The following ADAM12 variants were observed in gnomAD, a reference collection of about 807,000 sequenced individuals.
The protein encoded by ADAM12 is ADAM metallopeptidase domain 12, also known as disintegrin and metalloproteinase domain-containing protein 12.
A neutral mutation model predicts 106.4 loss-of-function variants in ADAM12; 70 were observed. The observed-to-expected ratio is 0.66, with a 90% CI of 0.54 to 0.80. The LOEUF is 0.80. Among genes scored for constraint, ADAM12 ranks in the 30% least tolerant of loss-of-function variants. The pLI, the probability that ADAM12 is intolerant of heterozygous loss-of-function variation, is 0.00. For missense variants in ADAM12, 1,010 were observed against 1,171.9 expected (o/e 0.86, Z 2.02); for synonymous variants, 420 against 433.5 (o/e 0.97, Z 0.39).
Position 126,156,664 on chromosome 10 carries a change from T to C in ADAM12, c.261-1359A>G, listed in dbSNP as rs117389481. On this transcript the variant is annotated intron_variant, in intron 3 of 22. Coordinates refer to ENST00000448723, the MANE Select transcript of ADAM12 (RefSeq NM_001288973.2). ...ATCCTCCAGCAGTAACACTTCTGGG[T>C]GCGTGGATGTGCTTTGGGTGGAGCA... Among the ~76,000 whole-genome samples, 1,406 of 152,332 alleles carry C rather than the reference T, an allele frequency of 9.2e-3. 11 individuals carry two copies. Among genetic ancestry groups the C allele is most frequent in the Non-Finnish European group, 0.016 (1,085 of 68,036 alleles).
intron 16 of ADAM12, among the ~76,000 whole-genome samples, chr10:126,046,959 T>C (rs1374833076): frequency 6.6e-6 from 1 of 152,098 alleles, no homozygotes; most frequent in African/African-American, 2.4e-5. Flanking sequence ...TTCCAGATAC[T>C]GACTGACAAG....
At chr10:126,072,194 G>A (rs774316027) in intron 11 of ADAM12, among the ~76,000 whole-genome samples, 3 of 152,166 alleles carry the variant, frequency 2.0e-5, no homozygotes, top group Non-Finnish European at 4.4e-5. Context: ...CAGCACAGTT[G>A]TAAGAGAATG....
At chr10:126,361,464 C>T (rs1458029268) in intron 1 of ADAM12, among the ~76,000 whole-genome samples, 1 of 151,954 alleles carries the variant, frequency 6.6e-6, no homozygotes. Flanking sequence ...TCACAAAAAA[C>T]CCTGACTAGC....
chr10:126,173,388 C>A (rs570625750), intron 3 of ADAM12, among the ~76,000 whole-genome samples: 2 of 152,156 alleles, frequency 1.3e-5, no homozygotes, highest in Non-Finnish European at 2.9e-5. Flanking sequence ...CTGGGCTTCT[C>A]AACCTCAGCT....
chr10:126,021,713 G>A (rs1404336222), intron 21 of ADAM12, among the ~76,000 whole-genome samples: 2 of 152,194 alleles, frequency 1.3e-5, no homozygotes, highest in East Asian at 3.8e-4. Flanking sequence ...TGGTGGAGCA[G>A]GGATGATCAT....
intron 3 of ADAM12, among the ~76,000 whole-genome samples, chr10:126,276,389 C>T (rs1326674497): frequency 6.6e-6 from 1 of 152,180 alleles, no homozygotes; most frequent in African/African-American, 2.4e-5. Context: ...CTATTATATA[C>T]TAAATGATTG....
At chr10:126,351,550 G>C (rs546483360) in intron 1 of ADAM12, among the ~76,000 whole-genome samples, 1 of 152,316 alleles carries the variant, frequency 6.6e-6, no homozygotes, top group South Asian at 2.1e-4. Flanking sequence ...CCTTGCGACA[G>C]AGACTGCCGC....
rs571792958 is a variant in ADAM12 at position 126,017,079 on chromosome 10, A to T, written c.*200T>A. The stretch of plus-strand genomic sequence containing the variant: ...GCACTGTAATCAACATTCTGCATAA[A>T]TTAATAATTTACAAGTACCTGAGCA... On this transcript the variant is annotated 3_prime_UTR_variant, in exon 23 of 23. Coordinates refer to ENST00000448723, the MANE Select transcript of ADAM12 (RefSeq NM_001288973.2). 1 of 542,364 alleles carries T rather than the reference A, an allele frequency of 1.8e-6. No individual in the cohort carries two copies. The highest frequency in any genetic ancestry group is 3.0e-5 in the South Asian group (1 of 33,018). The allele number at this position is 542,364 out of a possible 1,614,324, so 33.6% of individuals were successfully genotyped here.
rs142248459 is a variant in ADAM12 at position 126,039,347 on chromosome 10, C to A, written c.2187G>T (p.Lys729Asn). 40 of 1,614,098 alleles carry A rather than the reference C, an allele frequency of 2.5e-5. 1 individual carries two copies. In the East Asian group the frequency reaches 7.8e-4, roughly 31 times the overall value. The change falls in exon 19 of 23, where the codon AAG becomes AAT. Residue 729 changes from lysine to asparagine, a missense_variant. Lys to Asn is a moderately conservative substitution (Grantham distance 94). This residue lies in a region of ADAM12 where 615 missense variants were observed against 708.5 expected (regional missense o/e 0.87). Coordinates refer to ENST00000448723, the MANE Select transcript of ADAM12 (RefSeq NM_001288973.2). The part of the protein sequence containing the change: ...AAGFVVYLKR[K>N]TLIRLLFTNK... The stretch of plus-strand genomic sequence containing the variant: ...TTGTAAACAGCAGTCGTATCAAGGT[C>A]TTCCTTTTGAGATAAACCACAAATC...
At chr10:126,220,916 C>T (rs1025018682) in intron 3 of ADAM12, among the ~76,000 whole-genome samples, 2 of 152,382 alleles carry the variant, frequency 1.3e-5, no homozygotes, top group Admixed American at 1.3e-4. Flanking sequence ...CCCGCATCTC[C>T]AGCAGGCCAC....
intron 3 of ADAM12, among the ~76,000 whole-genome samples, chr10:126,158,509 C>A (rs1427983643): frequency 1.8e-5 from 2 of 109,976 alleles, no homozygotes; most frequent in African/African-American, 6.9e-5. Flanking sequence ...AGAGAGGATG[C>A]ACAGAGCACG....
At position 126,367,350 on chromosome 10, in the gene ADAM12, T is replaced by A. The variant is rs79701251; in HGVS notation, c.88+20708A>T. Reference sequence around the variant, plus strand: ...AGAAAAAAATTATGAAAGAATTTTTTAAAATATTTTAAACTGACGATAATG... The same window carrying A: ...AGAAAAAAATTATGAAAGAATTTTTAAAAATATTTTAAACTGACGATAATG... On this transcript the variant is annotated intron_variant, in intron 1 of 22. Coordinates refer to ENST00000448723, the MANE Select transcript of ADAM12 (RefSeq NM_001288973.2). Among the ~76,000 whole-genome samples the A allele has an allele frequency of 3.1e-3, 469 of 152,080 alleles. 3 individuals carry two copies. Among genetic ancestry groups the A allele is most frequent in the African/African-American group, 8.5e-3 (354 of 41,552 alleles).
chr10:126,302,005 C>A (rs952455579), intron 2 of ADAM12, among the ~76,000 whole-genome samples: 7 of 152,116 alleles, frequency 4.6e-5, no homozygotes, highest in African/African-American at 1.7e-4. Flanking sequence ...ACTTTCAAGT[C>A]CAAATCGTAT....
intron 12 of ADAM12, among the ~76,000 whole-genome samples, chr10:126,069,246 CTAA>C (rs1026905411): frequency 1.3e-5 from 2 of 152,064 alleles, no homozygotes; most frequent in African/African-American, 4.8e-5. Flanking sequence ...CTATTATTTT[CTAA>C]TAATAACTAC....
intron 1 of ADAM12, among the ~76,000 whole-genome samples, chr10:126,344,922 G>A (rs1361874497): frequency 1.3e-5 from 2 of 152,116 alleles, no homozygotes; most frequent in Admixed American, 6.5e-5. Context: ...GGAGATTTGG[G>A]GCTGAGACGA....
At chr10:126,368,721 C>T (rs762489924) in intron 1 of ADAM12, among the ~76,000 whole-genome samples, 5 of 151,244 alleles carry the variant, frequency 3.3e-5, no homozygotes, top group Non-Finnish European at 7.4e-5. Context: ...CATTTCATTC[C>T]CCAATTGAAT....
chr10:126,019,458 T>C (rs1003804376), intron 22 of ADAM12, among the ~76,000 whole-genome samples: 1 of 152,226 alleles, frequency 6.6e-6, no homozygotes, highest in Non-Finnish European at 1.5e-5. Context: ...CTTGATTTGC[T>C]CTCTTAGGTC....
At chr10:126,175,199 G>A (rs1957197947) in intron 3 of ADAM12, among the ~76,000 whole-genome samples, 1 of 152,198 alleles carries the variant, frequency 6.6e-6, no homozygotes, top group South Asian at 2.1e-4. Context: ...ACACGAGGAG[G>A]TGGTGTATTT....
intron 3 of ADAM12, among the ~76,000 whole-genome samples, chr10:126,221,001 A>G (rs1958080686): frequency 6.6e-6 from 1 of 152,234 alleles, no homozygotes; most frequent in Non-Finnish European, 1.5e-5. Flanking sequence ...TCTCCACATC[A>G]TTGGGGCACT....
Sources: allele counts gnomAD v4.1 joint callset (sites outside exome capture counted in the v4.1 genomes callset), GRCh38; gene constraint gnomAD v4.1.1; regional missense constraint gnomAD v4.1.1; transcripts MANE v1.5; gene names NCBI Gene and HGNC (gene_info 2026-07-23, HGNC 2026-07-21).